Variants in ABCB4 observed in about 807,000 individuals in gnomAD.
ABCB4 encodes the protein ATP binding cassette subfamily B member 4.
A neutral mutation model predicts 145.7 loss-of-function variants in ABCB4; 76 were observed. That is an observed-to-expected ratio of 0.52 (90% CI 0.43 to 0.63). ABCB4 has a LOEUF of 0.63. Ranked by LOEUF, ABCB4 falls within the 30% of genes least tolerant of loss-of-function variation. The pLI is 0.00. For missense variants in ABCB4, 1,234 were observed against 1,553.1 expected, an observed-to-expected ratio of 0.79 and a Z score of 3.45; for synonymous variants, 517 against 566.8, an observed-to-expected ratio of 0.91 and a Z score of 1.25.
chr7:87,441,974 T>C (rs1218983347), intron 12 of ABCB4, among the ~76,000 whole-genome samples: 1 of 152,228 alleles, frequency 6.6e-6, no homozygotes, highest in Non-Finnish European at 1.5e-5. Context: ...ATTAATCAAT[T>C]ATGCCACTGG....
At chr7:87,391,585 G>A in the ABCB4 span, 29 of 1,583,754 alleles carry the variant, frequency 1.8e-5, no homozygotes, top group Non-Finnish European at 2.5e-5. Context: ...ATTTTTTCTT[G>A]TAGCCCTGGT....
intron 19 of ABCB4, among the ~76,000 whole-genome samples, chr7:87,419,343 C>T (rs548506313): frequency 2.0e-5 from 3 of 152,048 alleles, no homozygotes; most frequent in Non-Finnish European, 2.9e-5. Context: ...ATATTCTGGC[C>T]CTCTCTTAGG....
intron 3 of ABCB4, among the ~76,000 whole-genome samples, chr7:87,463,200 A>G (rs2116902108): frequency 6.6e-6 from 1 of 152,176 alleles, no homozygotes. Flanking sequence ...GATATCCCAG[A>G]GCTCCTGTGG....
At chr7:87,454,401 A>T (rs746631784) in intron 5 of ABCB4, 134 bp downstream of exon 5, 3 of 710,910 alleles carry the variant, frequency 4.2e-6, no homozygotes, top group Non-Finnish European at 7.1e-6. Context: ...TTAAATTGGG[A>T]TTTGGGAGCA....
downstream of ABCB4, among the ~76,000 whole-genome samples, chr7:87,398,031 C>T (rs1191258436): frequency 6.6e-6 from 1 of 151,460 alleles, no homozygotes; most frequent in Non-Finnish European, 1.5e-5. Flanking sequence ...TGGTGGAAGG[C>T]ATGACTTGAT....
chr7:87,384,258 C>T, the ABCB4 span, among the ~76,000 whole-genome samples: 88 of 152,094 alleles, frequency 5.8e-4, no homozygotes, highest in South Asian at 3.9e-3. Context: ...TGTCACTGGG[C>T]GCATGGCTCA....
chr7:87,387,598 G>A, the ABCB4 span, among the ~76,000 whole-genome samples: 4 of 151,898 alleles, frequency 2.6e-5, no homozygotes, highest in African/African-American at 9.7e-5. Flanking sequence ...TTTTGTATAT[G>A]TATTATATAT....
chr7:87,387,336 A>G, the ABCB4 span, among the ~76,000 whole-genome samples: 2 of 151,970 alleles, frequency 1.3e-5, no homozygotes, highest in Admixed American at 1.3e-4. Flanking sequence ...TTATCAGTAA[A>G]TTTGTGTTTA....
At chr7:87,401,348 C>T (rs922551239), downstream of ABCB4, among the ~76,000 whole-genome samples, 1 of 152,080 alleles carries the variant, frequency 6.6e-6, no homozygotes, top group Non-Finnish European at 1.5e-5. Flanking sequence ...ATATTTTTTG[C>T]TTTCCATCTA....
intron 14 of ABCB4, among the ~76,000 whole-genome samples, chr7:87,435,429 T>C (rs1181687861): frequency 1.3e-5 from 2 of 152,142 alleles, no homozygotes; most frequent in African/African-American, 4.8e-5. Context: ...ACAAAGAAAA[T>C]GTAAAGAAAT....
At chr7:87,466,548 A>G (rs1403439277) in intron 3 of ABCB4, among the ~76,000 whole-genome samples, 3 of 152,204 alleles carry the variant, frequency 2.0e-5, no homozygotes, top group Non-Finnish European at 4.4e-5. Flanking sequence ...AATACAGAGA[A>G]CACCACAAAG....
Position 87,449,991 on chromosome 7 carries a change from C to T in ABCB4, c.810G>A (p.Gly270=), listed in dbSNP as rs1811601045. ...LGAIRTVIAF[G]GQNKELERYQ... Reference sequence around the variant, plus strand: ...ACCTTTCCAGCTCTTTGTTCTGGCCCCCGAAAGCTATCACAGTCCTGATGG... The same window carrying T: ...ACCTTTCCAGCTCTTTGTTCTGGCCTCCGAAAGCTATCACAGTCCTGATGG... The change falls in exon 8 of 28, where the codon GGG becomes GGA. Residue 270 remains glycine (G), a synonymous_variant. Transcript: ENST00000649586. The T allele has an allele frequency of 6.2e-7, 1 of 1,614,148 alleles. No individual in the cohort carries two copies. The highest frequency in any genetic ancestry group is 1.1e-5 in the South Asian group (1 of 91,086).
At chr7:87,461,100 C>T (rs1812430108) in intron 4 of ABCB4, among the ~76,000 whole-genome samples, 1 of 152,094 alleles carries the variant, frequency 6.6e-6, no homozygotes, top group African/African-American at 2.4e-5. Flanking sequence ...CATGAGCCAC[C>T]ATGCCTGGCT....
chr7:87,418,853 CA>C (rs1393577644), intron 19 of ABCB4, among the ~76,000 whole-genome samples: 1 of 152,136 alleles, frequency 6.6e-6, no homozygotes. Flanking sequence ...AGGGCTCACC[CA>C]GATGGCTGCC....
chr7:87,370,069 T>C, the ABCB4 span, among the ~76,000 whole-genome samples: 1 of 152,118 alleles, frequency 6.6e-6, no homozygotes, highest in South Asian at 2.1e-4. Context: ...ATGGATTATT[T>C]TGAAGATAAT....
intron 23 of ABCB4, among the ~76,000 whole-genome samples, chr7:87,410,294 T>A (rs1808520671): frequency 6.6e-6 from 1 of 152,136 alleles, no homozygotes; most frequent in African/African-American, 2.4e-5. Flanking sequence ...ATGGAGAACT[T>A]TAAGTTTTCA....
the ABCB4 span, among the ~76,000 whole-genome samples, chr7:87,379,425 G>A: frequency 6.6e-6 from 1 of 152,106 alleles, no homozygotes; most frequent in African/African-American, 2.4e-5. Context: ...TGTTATATAA[G>A]AGTAAGTCAA....
At chr7:87,394,917 A>C in the ABCB4 span, among the ~76,000 whole-genome samples, 3 of 152,166 alleles carry the variant, frequency 2.0e-5, no homozygotes, top group African/African-American at 7.2e-5. Flanking sequence ...AGACACCATC[A>C]AGAAAATCAC....
intron 4 of ABCB4, among the ~76,000 whole-genome samples, chr7:87,456,232 C>T (rs1185984980): frequency 6.6e-6 from 1 of 152,126 alleles, no homozygotes; most frequent in Admixed American, 6.5e-5. Flanking sequence ...TAAGTTTTTC[C>T]TCTCTTTCAA....
Sources: gnomAD v4.1 joint callset for allele counts (sites outside exome capture counted in the v4.1 genomes callset) on GRCh38, gnomAD v4.1.1 for gene constraint, MANE v1.5 for transcripts, NCBI Gene and HGNC (gene_info 2026-07-23, HGNC 2026-07-21) for gene names.